NLGN1: variants seen among roughly 807,000 people sequenced by gnomAD.
NLGN1 encodes the protein neuroligin-1.
In NLGN1, 12 loss-of-function variants were observed where a neutral mutation model predicts 65.5. The ratio of observed to expected loss-of-function variants is 0.18; its 90% confidence interval spans 0.12 to 0.30. NLGN1 has a LOEUF of 0.30. NLGN1 is among the 10% of genes least tolerant of loss of function. NLGN1 has a pLI of 1.00. For missense variants in NLGN1, 750 were observed against 1,007.1 expected, an observed-to-expected ratio of 0.74 and a Z score of 3.46; for synonymous variants, 350 against 359.5, an observed-to-expected ratio of 0.97 and a Z score of 0.30.
chr3:173,462,108 T>A (rs1161770811), intron 2 of NLGN1, among the ~76,000 whole-genome samples: 1 of 152,188 alleles, frequency 6.6e-6, no homozygotes, highest in Non-Finnish European at 1.5e-5. Context: ...TTCAGTGCTG[T>A]TACTGTTTTG....
chr3:173,507,356 T>TA lies in NLGN1; in HGVS notation c.-321+72287dup, dbSNP rs200217769. 5.3e-3 allele frequency among the ~76,000 whole-genome samples: 808 copies of TA among 151,326 alleles called. 13 individuals carry two copies. The highest frequency in any genetic ancestry group is 0.019 in the East Asian group (96 of 5,154). On this transcript the variant is annotated intron_variant, in intron 2 of 6. Coordinates refer to ENST00000457714, the Ensembl canonical transcript of NLGN1. ...GACAATCAAATCCATCCAATTAAAA[T>TA]AAAAAAAAATGATAGCACAATTAGC...
chr3:174,045,565 A>C (rs1733380299), intron 4 of NLGN1, among the ~76,000 whole-genome samples: 1 of 152,114 alleles, frequency 6.6e-6, no homozygotes, highest in African/African-American at 2.4e-5. Flanking sequence ...TATGTCCCTT[A>C]ATGAAAATCA....
At chr3:174,144,304 C>T (rs1189975589) in intron 4 of NLGN1, among the ~76,000 whole-genome samples, 8 of 152,124 alleles carry the variant, frequency 5.3e-5, no homozygotes, top group African/African-American at 1.9e-4. Flanking sequence ...TTTTCTTTAT[C>T]CAGTCTATCA....
intron 4 of NLGN1, among the ~76,000 whole-genome samples, chr3:173,975,209 T>C (rs1717165751): frequency 6.6e-6 from 1 of 152,028 alleles, no homozygotes; most frequent in South Asian, 2.1e-4. Flanking sequence ...CAATCTAGTT[T>C]ATGTATCACC....
intron 3 of NLGN1, among the ~76,000 whole-genome samples, chr3:173,731,024 G>A (rs1282000072): frequency 6.6e-6 from 1 of 152,042 alleles, no homozygotes; most frequent in Non-Finnish European, 1.5e-5. Flanking sequence ...GGGCTATTCT[G>A]TCTCTTGGAG....
chr3:173,795,374 A>C (rs933745104), intron 3 of NLGN1, among the ~76,000 whole-genome samples: 51 of 152,114 alleles, frequency 3.4e-4, no homozygotes, highest in African/African-American at 1.2e-3. Flanking sequence ...CAGAAAGAAA[A>C]TTATTTTTCA....
chr3:173,633,365 T>G (rs1756052772), intron 3 of NLGN1, among the ~76,000 whole-genome samples: 1 of 152,166 alleles, frequency 6.6e-6, no homozygotes, highest in African/African-American at 2.4e-5. Context: ...TGCAGTCATT[T>G]GTCTTGCTTT....
At chr3:173,620,352 T>A (rs1013267110) in intron 3 of NLGN1, among the ~76,000 whole-genome samples, 2 of 152,022 alleles carry the variant, frequency 1.3e-5, no homozygotes, top group Non-Finnish European at 2.9e-5. Flanking sequence ...ACTGTGGAAA[T>A]AATGGAAACA....
At chr3:174,232,240 T>G (rs1336865571) in intron 4 of NLGN1, among the ~76,000 whole-genome samples, 2 of 152,044 alleles carry the variant, frequency 1.3e-5, no homozygotes, top group African/African-American at 4.8e-5. Flanking sequence ...CACAAGGTGC[T>G]CGGTAGGGGA....
intron 4 of NLGN1, among the ~76,000 whole-genome samples, chr3:173,831,368 G>A (rs79839352): frequency 1.5e-3 from 224 of 152,302 alleles, no homozygotes; most frequent in African/African-American, 5.1e-3. Context: ...AAAGAAATGT[G>A]TGTTTCAAAG....
intron 4 of NLGN1, among the ~76,000 whole-genome samples, chr3:173,938,476 A>G (rs1426643025): frequency 6.6e-6 from 1 of 152,142 alleles, no homozygotes; most frequent in East Asian, 1.9e-4. Flanking sequence ...ATGCATAATG[A>G]CCAATAAATG....
At chr3:174,160,913 C>A (rs1168438168) in intron 4 of NLGN1, among the ~76,000 whole-genome samples, 1 of 151,340 alleles carries the variant, frequency 6.6e-6, no homozygotes, top group Non-Finnish European at 1.5e-5. Flanking sequence ...GAACCATACC[C>A]ACCTCCTGCC....
At chr3:173,690,076 T>TTACTGA (rs1765241907) in intron 3 of NLGN1, among the ~76,000 whole-genome samples, 1 of 152,190 alleles carries the variant, frequency 6.6e-6, no homozygotes, top group Non-Finnish European at 1.5e-5. Flanking sequence ...CGAATATTAA[T>TTACTGA]CATTTACTTA....
At chr3:173,743,543 G>A (rs1774949611) in intron 3 of NLGN1, among the ~76,000 whole-genome samples, 1 of 152,096 alleles carries the variant, frequency 6.6e-6, no homozygotes, top group South Asian at 2.1e-4. Context: ...CATAGAATTT[G>A]AGAAGAAAAG....
chr3:173,917,314 A>G (rs1207512583), intron 4 of NLGN1, among the ~76,000 whole-genome samples: 2 of 152,202 alleles, frequency 1.3e-5, no homozygotes, highest in African/African-American at 4.8e-5. Flanking sequence ...GGAATCAGAC[A>G]CATAAGAAAC....
At chr3:173,621,530 T>TGATAACAAGAGTGGTTTCAGTAAAGG (rs1753987272) in intron 3 of NLGN1, among the ~76,000 whole-genome samples, 1 of 151,994 alleles carries the variant, frequency 6.6e-6, no homozygotes, top group Admixed American at 6.6e-5. Context: ...CAAGGAGCTG[T>TGATAACAAGAGTGGTTTCAGTAAAGG]GATAACAAGA....
chr3:174,059,252 T>G (rs1489509598), intron 4 of NLGN1, among the ~76,000 whole-genome samples: 1 of 152,088 alleles, frequency 6.6e-6, no homozygotes, highest in African/African-American at 2.4e-5. Flanking sequence ...GTTAATCTAG[T>G]GAACAGATTA....
At chr3:173,753,956 T>TAATAA (rs1776683669) in intron 3 of NLGN1, among the ~76,000 whole-genome samples, 3 of 103,402 alleles carry the variant, frequency 2.9e-5, no homozygotes, top group Non-Finnish European at 7.3e-5. Flanking sequence ...TAATATAATA[T>TAATAA]AATATAATAT....
chr3:174,096,891 T>C (rs540349626), intron 4 of NLGN1, among the ~76,000 whole-genome samples: 22 of 152,218 alleles, frequency 1.4e-4, no homozygotes, highest in African/African-American at 5.1e-4. Context: ...GAAGACAAGG[T>C]AACATATTTC....
Sources: gnomAD v4.1 joint callset for allele counts (sites outside exome capture counted in the v4.1 genomes callset) on GRCh38, gnomAD v4.1.1 for gene constraint, MANE v1.5 for transcripts, NCBI Gene and HGNC (gene_info 2026-07-23, HGNC 2026-07-21) for gene names.